SMARCD3: variants seen among roughly 807,000 people sequenced by gnomAD.
SMARCD3 encodes the protein SWI/SNF related BAF chromatin remodeling complex subunit D3.
Under a neutral mutation model 58.0 loss-of-function variants are expected in SMARCD3, and 14 were observed. The ratio of observed to expected loss-of-function variants is 0.24; its 90% CI spans 0.16 to 0.38. The LOEUF (loss-of-function observed/expected upper bound fraction) is 0.38. SMARCD3 is among the 10% of genes least tolerant of loss of function. The probability of loss-of-function intolerance (pLI) is 1.00; values close to 1 mark genes in which losing one functional copy is unlikely to be tolerated. For synonymous variants in SMARCD3, 253 were observed against 253.8 expected (o/e 1.00, Z 0.03); for missense variants, 408 against 636.9 (o/e 0.64, Z 3.87).
chr7:151,248,406 T>A lies in SMARCD3; in HGVS notation c.78+79A>T. On this transcript the variant is annotated intron_variant, in intron 1 of 12. Coordinates refer to ENST00000262188, the MANE Select transcript of SMARCD3 (RefSeq NM_001003801.2). This position sits in a 1 kb window ranked among gnomAD's most constrained non-coding sequence, Gnocchi z 6.1. Reference sequence around the variant, plus strand: ...GAGGGGTGGGAGAGCGGGAGCGCCCTCCCGGCCCCTCCCGATCAGCCCTCC... The same window carrying A: ...GAGGGGTGGGAGAGCGGGAGCGCCCACCCGGCCCCTCCCGATCAGCCCTCC... The A allele has an allele frequency of 8.1e-7, 1 of 1,236,896 alleles. No homozygotes were observed. Among genetic ancestry groups the A allele is most frequent in the Non-Finnish European group, 1.2e-6 (1 of 850,454 alleles). 76.6% of individuals were successfully genotyped at this position (1,236,896 alleles called of 1,614,324 possible).
Position 151,242,503 on chromosome 7 carries a change from A to T in SMARCD3, c.557T>A (p.Val186Glu). ...DGSIASWELR[V>E]EGKLLDDPSK... ...TACATCATCCAGGAGCTTCCCCTCC[A>T]CCCGTAGCTCCCAGGAGGCAATGCT... Residue 186 changes from valine to glutamate, a missense_variant, in exon 5 of 13, where the codon GTG becomes GAG. Physicochemically the swap from Val to Glu is moderately radical, Grantham distance 121 (BLOSUM62 -2). Coordinates refer to ENST00000262188, the MANE Select transcript of SMARCD3 (RefSeq NM_001003801.2). This position sits in a 1 kb window ranked among gnomAD's most constrained non-coding sequence, Gnocchi z 4.7. 6.2e-7 allele frequency: 1 copy of T among 1,613,908 alleles called. No homozygotes were observed. The highest frequency in any genetic ancestry group is 1.1e-5 in the South Asian group (1 of 91,080).
chr7:151,251,480 G>A (rs914371497), upstream of SMARCD3, among the ~76,000 whole-genome samples: 1 of 152,226 alleles, frequency 6.6e-6, no homozygotes, highest in Non-Finnish European at 1.5e-5. Context: ...TGGGCGACAG[G>A]AGGAGCCTTC....
chr7:151,267,108 G>A (rs1486446450), intron 2 of SMARCD3, among the ~76,000 whole-genome samples: 5 of 152,050 alleles, frequency 3.3e-5, no homozygotes, highest in Admixed American at 1.3e-4. Flanking sequence ...ACATTTACCC[G>A]CACACCACTG....
rs751218189 is a variant in SMARCD3, at chr7:151,241,682, C to T, written c.778-29G>A. ...GGAAAAGGGGACTGTGAAAGTTAGA[C>T]CAAAGGGAGAGAAAGGAAGGAGCCC... On this transcript the variant is annotated intron_variant, in intron 7 of 12. Coordinates refer to ENST00000262188, the MANE Select transcript of SMARCD3 (RefSeq NM_001003801.2). This position sits in a 1 kb window ranked among gnomAD's most constrained non-coding sequence, Gnocchi z 5.3. The T allele has an allele frequency of 6.3e-7, 1 of 1,598,426 alleles. No homozygotes were observed. Among genetic ancestry groups the T allele is most frequent in the South Asian group, 1.1e-5 (1 of 89,424 alleles).
At position 151,242,531 on chromosome 7, in the gene SMARCD3, C is replaced by A. The variant is rs150260765; in HGVS notation, c.529G>T (p.Gly177Cys). ...CGTAGCTCCCAGGAGGCAATGCTGC[C>A]GTCGGAATCCTCAGCATCAGGCTTC... is the stretch of plus-strand genomic sequence containing the variant. ...PAKPDAEDSD[G>C]SIASWELRVE... is the part of the protein sequence containing the mutation. Residue 177 changes from glycine to cysteine, a missense_variant, in exon 5 of 13, where the codon GGC becomes TGC. Coordinates refer to ENST00000262188, the MANE Select transcript of SMARCD3 (RefSeq NM_001003801.2). This position sits in a 1 kb window ranked among gnomAD's most constrained non-coding sequence, Gnocchi z 4.7. The A allele has an allele frequency of 1.9e-6, 3 of 1,614,078 alleles. No homozygotes were observed. Among genetic ancestry groups the A allele is most frequent in the South Asian group, 1.1e-5 (1 of 91,080 alleles).
upstream of SMARCD3, chr7:151,277,082 C>A (rs900961284): frequency 3.4e-4 from 51 of 149,870 alleles, no homozygotes; most frequent in African/African-American, 1.2e-3. Flanking sequence ...CTCACCTGCT[C>A]CCCCGGGACC....
Position 151,248,353 on chromosome 7 carries a change from G to A in SMARCD3, c.78+132C>T, listed in dbSNP as rs1264470026. 1.7e-5 allele frequency: 13 copies of A among 760,786 alleles called. No homozygotes were observed. The highest frequency in any genetic ancestry group is 2.8e-5 in the Non-Finnish European group (13 of 462,692). The allele number at this position is 760,786 out of a possible 1,614,324, so 47.1% of individuals were successfully genotyped here. A position where few individuals can be genotyped will look rare whatever the true frequency, so the allele number is the denominator to read the frequency against. ...AGGGCGCCAGCACAGTCCCGCGGCC[G>A]GGCCGTGGGCCATGACGCCCCCCAC... On this transcript the variant is annotated intron_variant, in intron 1 of 12. Coordinates refer to ENST00000262188, the MANE Select transcript of SMARCD3 (RefSeq NM_001003801.2). This position sits in a 1 kb window ranked among gnomAD's most constrained non-coding sequence, Gnocchi z 6.1.
Position 151,244,101 on chromosome 7 carries a change from C to T in SMARCD3, c.291-400G>A, listed in dbSNP as rs528328585. 3.3e-5 allele frequency among the ~76,000 whole-genome samples: 5 copies of T among 152,304 alleles called. No individual in the cohort carries two copies. In the East Asian group the frequency reaches 9.6e-4, roughly 29 times the overall value. ...CCTTTTCTGGAAAGCAGGGGGTGCC[C>T]TGTCCAAAGGGGCCTAAGCTCAGAG... On this transcript the variant is annotated intron_variant, in intron 2 of 12. Coordinates refer to ENST00000262188, the MANE Select transcript of SMARCD3 (RefSeq NM_001003801.2).
chr7:151,246,581 G>A lies in SMARCD3; in HGVS notation c.79-910C>T, dbSNP rs1028233422. 6.6e-6 allele frequency among the ~76,000 whole-genome samples: 1 copy of A among 152,138 alleles called. No individual in the cohort carries two copies. The highest frequency in any genetic ancestry group is 1.5e-5 in the Non-Finnish European group (1 of 68,020). On this transcript the variant is annotated intron_variant, in intron 1 of 12. Transcript: ENST00000262188. This position sits in a 1 kb window ranked among gnomAD's most constrained non-coding sequence, Gnocchi z 4.4. ...TCACATTTCCCTTCCTGTCTGCCCA[G>A]GTCAGCAGCCACCTCCTCCTCTTCC...
At chr7:151,250,483 A>G (rs1373975086), upstream of SMARCD3, among the ~76,000 whole-genome samples, 1 of 151,192 alleles carries the variant, frequency 6.6e-6, no homozygotes, top group African/African-American at 2.4e-5. Flanking sequence ...GCTCACTCCC[A>G]TTTCTTAGCC....
chr7:151,266,874 GCTAA>G (rs1276203417), intron 2 of SMARCD3, among the ~76,000 whole-genome samples: 2 of 152,152 alleles, frequency 1.3e-5, no homozygotes, highest in African/African-American at 2.4e-5. Context: ...ACCATGTCTG[GCTAA>G]CTGTTAAAAT....
In SMARCD3 at chr7:151,241,280, C is replaced by A; in HGVS notation, c.939+212G>T. The A allele has an allele frequency of 3.3e-6, 2 of 611,758 alleles. No individual in the cohort carries two copies. The highest frequency in any genetic ancestry group is 6.0e-6 in the Non-Finnish European group (2 of 335,904). 37.9% of individuals were successfully genotyped at this position (611,758 alleles called of 1,614,324 possible). The stretch of plus-strand genomic sequence containing the variant: ...TCCAGGTCTTCCTAACTTGGGGGGG[C>A]TAACATGGATTGGCTGCAGCACAGA... On this transcript the variant is annotated intron_variant, in intron 8 of 12. Coordinates refer to ENST00000262188, the MANE Select transcript of SMARCD3 (RefSeq NM_001003801.2). This position sits in a 1 kb window ranked among gnomAD's most constrained non-coding sequence, Gnocchi z 5.3.
At chr7:151,267,637 G>C (rs1218125560) in intron 2 of SMARCD3, among the ~76,000 whole-genome samples, 1 of 152,168 alleles carries the variant, frequency 6.6e-6, no homozygotes, top group African/African-American at 2.4e-5. Context: ...TTTTTGAAAA[G>C]ACTCTGCATT....
At chr7:151,249,629 A>G (rs1253324640), upstream of SMARCD3, among the ~76,000 whole-genome samples, 27 of 126,798 alleles carry the variant, frequency 2.1e-4, no homozygotes, top group Admixed American at 2.3e-3. The surrounding 1 kb of genome is among the most constrained non-coding windows in gnomAD (Gnocchi z 4.8). Flanking sequence ...GAACGAGGCA[A>G]GCTGGGCTTG....
chr7:151,243,779 C>T lies in SMARCD3; in HGVS notation c.291-78G>A. The T allele has an allele frequency of 1.0e-6, 1 of 1,004,994 alleles. No individual in the cohort carries two copies. Among genetic ancestry groups the T allele is most frequent in the East Asian group, 2.4e-5 (1 of 42,062 alleles). 62.3% of individuals were successfully genotyped at this position (1,004,994 alleles called of 1,614,324 possible). ...TAACGAGGCCACCTGCTAGATTATC[C>T]CGACATCTCCGCCCGCCTGGCTGGG... On this transcript the variant is annotated intron_variant, in intron 2 of 12. Coordinates refer to ENST00000262188, the MANE Select transcript of SMARCD3 (RefSeq NM_001003801.2). The surrounding 1 kb of genome is among the most constrained non-coding windows in gnomAD (Gnocchi z 4.4).
At chr7:151,252,146 G>GAAGGT (rs1803541268), upstream of SMARCD3, among the ~76,000 whole-genome samples, 1 of 152,124 alleles carries the variant, frequency 6.6e-6, no homozygotes, top group South Asian at 2.1e-4. Context: ...CCGCCCTCCT[G>GAAGGT]CCCTCCGTGA....
chr7:151,248,371 C>A lies in SMARCD3; in HGVS notation c.78+114G>T. 1 of 896,222 alleles carries A rather than the reference C, an allele frequency of 1.1e-6. No individual in the cohort carries two copies. The highest frequency in any genetic ancestry group is 1.8e-6 in the Non-Finnish European group (1 of 566,142). The allele number at this position is 896,222 out of a possible 1,614,324, so 55.5% of individuals were successfully genotyped here. A position where few individuals can be genotyped will look rare whatever the true frequency, so the allele number is the denominator to read the frequency against. ...CGCGGCCGGGCCGTGGGCCATGACG[C>A]CCCCCACTAGAGGGGTGGGAGAGCG... On this transcript the variant is annotated intron_variant, in intron 1 of 12. Transcript: ENST00000262188. The surrounding 1 kb of genome is among the most constrained non-coding windows in gnomAD (Gnocchi z 6.1).
intron 2 of SMARCD3, among the ~76,000 whole-genome samples, chr7:151,255,967 G>A (rs539007198): frequency 1.3e-5 from 2 of 150,882 alleles, no homozygotes; most frequent in African/African-American, 4.9e-5. Context: ...TGCAACCTCC[G>A]CCTCCCAGGT....
chr7:151,272,824 G>A (rs577678171), intron 2 of SMARCD3, among the ~76,000 whole-genome samples: 15 of 152,180 alleles, frequency 9.9e-5, no homozygotes, highest in Admixed American at 1.3e-4. Context: ...CCAAGTACCC[G>A]TCAGAGGCAG....
Sources: gnomAD v4.1 joint callset for allele counts (sites outside exome capture counted in the v4.1 genomes callset) on GRCh38, gnomAD v4.1.1 for gene constraint, Gnocchi (gnomAD v3.1) non-coding constraint, MANE v1.5 for transcripts, NCBI Gene and HGNC (gene_info 2026-07-23, HGNC 2026-07-21) for gene names.